WASHC2A: variants seen among roughly 807,000 people sequenced by gnomAD.
WASHC2A encodes WASH complex subunit FAM21A.
A neutral mutation model predicts 140.3 loss-of-function variants in WASHC2A; 82 were observed. The ratio of observed to expected loss-of-function variants is 0.58; its 90% CI spans 0.49 to 0.70. The LOEUF is 0.70. WASHC2A is among the 30% of genes least tolerant of loss of function. The probability of loss-of-function intolerance (pLI) is 0.00; values close to 1 mark genes in which losing one functional copy is unlikely to be tolerated. For missense variants in WASHC2A, 985 were observed against 1,521.8 expected (o/e 0.65, Z 5.87); for synonymous variants, 340 against 560.8 (o/e 0.61, Z 5.56).
At chr10:50,126,913 T>C (rs1843484409) in intron 26 of WASHC2A, among the ~76,000 whole-genome samples, 1 of 152,148 alleles carries the variant, frequency 6.6e-6, no homozygotes, top group African/African-American at 2.4e-5. Flanking sequence ...CTTGGGAATC[T>C]TACTCATCTT....
intron 23 of WASHC2A, among the ~76,000 whole-genome samples, chr10:50,124,700 T>C (rs1843277273): frequency 1.3e-5 from 2 of 151,752 alleles, no homozygotes; most frequent in Admixed American, 6.6e-5. Flanking sequence ...TGCTGTCTCT[T>C]CTTCCCTTTG....
At chr10:50,100,706 C>T (rs1404343664) in intron 17 of WASHC2A, among the ~76,000 whole-genome samples, 2 of 152,192 alleles carry the variant, frequency 1.3e-5, no homozygotes, top group Admixed American at 6.5e-5. Context: ...TATTCACATT[C>T]TCACTAACTA....
At chr10:50,120,391 G>T (rs1262786450) in intron 23 of WASHC2A, among the ~76,000 whole-genome samples, 1 of 146,104 alleles carries the variant, frequency 6.8e-6, no homozygotes, top group Non-Finnish European at 1.5e-5. Context: ...GGAGGCCAAG[G>T]TGGGTGGATC....
intron 8 of WASHC2A, among the ~76,000 whole-genome samples, chr10:50,090,519 T>TAA (rs1407486723): frequency 2.8e-5 from 3 of 105,626 alleles, no homozygotes; most frequent in Non-Finnish European, 6.3e-5. Context: ...AAAAAAAATA[T>TAA]ATATATATAT....
At chr10:50,101,232 C>T (rs1433763302) in intron 17 of WASHC2A, among the ~76,000 whole-genome samples, 84 of 152,394 alleles carry the variant, frequency 5.5e-4, no homozygotes, top group East Asian at 2.5e-3. Flanking sequence ...GGGCCTCCAC[C>T]GTCTTATGCT....
intron 23 of WASHC2A, among the ~76,000 whole-genome samples, chr10:50,121,895 A>G (rs1589274154): frequency 6.8e-6 from 1 of 146,762 alleles, no homozygotes; most frequent in Non-Finnish European, 1.5e-5. Context: ...GTGTTTATGG[A>G]CCAGAAACCT....
At chr10:50,077,819 C>T (rs1838510426) in intron 3 of WASHC2A, among the ~76,000 whole-genome samples, 1 of 144,610 alleles carries the variant, frequency 6.9e-6, no homozygotes, top group African/African-American at 2.6e-5. Flanking sequence ...ATTACAGGTG[C>T]ACACCACCAT....
intron 28 of WASHC2A, among the ~76,000 whole-genome samples, chr10:50,128,722 A>G (rs549954343): frequency 4.9e-4 from 74 of 152,298 alleles, no homozygotes; most frequent in African/African-American, 1.7e-3. Context: ...TTGACAACAC[A>G]ATCATACTTT....
Position 50,126,153 on chromosome 10 carries a change from G to C in WASHC2A, c.2785G>C (p.Gly929Arg), listed in dbSNP as rs782117021. ...ATCCATTCAAGGTAGTAAAGAAAAAGGCATATGGAAGCCGGAAACACCTCA... is the reference window on the plus strand; with the variant it reads ...ATCCATTCAAGGTAGTAAAGAAAAACGCATATGGAAGCCGGAAACACCTCA... ...PESIQGSKEK[G>R]IWKPETPQDS... The change falls in exon 26 of 31, where the codon GGC (glycine) becomes CGC (arginine). Residue 929 changes from glycine (G) to arginine (R), a missense_variant. Physicochemically the swap from Gly to Arg is moderately radical, Grantham distance 125 (BLOSUM62 -2). Transcript: ENST00000282633. 1.2e-5 allele frequency: 20 copies of C among 1,613,416 alleles called. No homozygotes were observed. In the African/African-American group the frequency reaches 2.1e-4, roughly 17 times the overall value.
intron 25 of WASHC2A, among the ~76,000 whole-genome samples, 179 bp from the exon 26 acceptor site, chr10:50,125,878 C>T (rs1202505861): frequency 1.3e-5 from 2 of 152,044 alleles, no homozygotes; most frequent in Non-Finnish European, 2.9e-5. Context: ...AGAGAGGACT[C>T]CTGTGACAGC....
chr10:50,102,210 A>G (rs528540693), intron 17 of WASHC2A, among the ~76,000 whole-genome samples: 18 of 151,792 alleles, frequency 1.2e-4, no homozygotes, highest in African/African-American at 2.2e-4. Context: ...TTCAGATTCT[A>G]AGGCAAGGAG....
chr10:50,092,310 C>G (rs1366338128), intron 11 of WASHC2A, 77 bp downstream of exon 11: 4 of 831,160 alleles, frequency 4.8e-6, no homozygotes, highest in Non-Finnish European at 7.6e-6. Context: ...TCATGAAGTA[C>G]TGCTTTACAT....
chr10:50,129,880 T>C lies in WASHC2A; in HGVS notation c.3549T>C (p.Asp1183=). The C allele has an allele frequency of 6.2e-7, 1 of 1,611,992 alleles. No individual in the cohort carries two copies. Among genetic ancestry groups the C allele is most frequent in the Admixed American group, 1.7e-5 (1 of 60,006 alleles). The change falls in exon 29 of 31, where the codon GAT becomes GAC. Residue 1183 remains aspartate, a synonymous_variant. Coordinates refer to ENST00000282633, the MANE Select transcript of WASHC2A (RefSeq NM_001005751.3). ...TAGGTGAGGCCAGCAGTGATGATGA[T>C]CTCTTTCAGTCTGCTAAACCAAAAC... ...PALGEASSDD[D]LFQSAKPKPA... is the part of the protein sequence containing the mutation.
intron 3 of WASHC2A, among the ~76,000 whole-genome samples, chr10:50,076,501 AC>A (rs1278513699): frequency 6.6e-6 from 1 of 152,218 alleles, no homozygotes; most frequent in Admixed American, 6.5e-5. Flanking sequence ...ATTGGCAGAT[AC>A]TTAAAGATGG....
intron 17 of WASHC2A, among the ~76,000 whole-genome samples, chr10:50,101,031 C>G (rs1841091862): frequency 6.6e-6 from 1 of 152,306 alleles, no homozygotes; most frequent in African/African-American, 2.4e-5. Context: ...ACTGTGGGCT[C>G]TAGATTAGGC....
At chr10:50,106,728 G>A (rs1554888719) in intron 19 of WASHC2A, among the ~76,000 whole-genome samples, 2 of 133,494 alleles carry the variant, frequency 1.5e-5, no homozygotes, top group Admixed American at 1.7e-4. Flanking sequence ...GGCTAGGGGG[G>A]AAATGATTTC....
intron 28 of WASHC2A, 85 bp from the exon 29 acceptor site, chr10:50,129,334 A>G: frequency 6.2e-7 from 1 of 1,610,510 alleles, no homozygotes; most frequent in Non-Finnish European, 8.5e-7. Context: ...ACCTTACAAT[A>G]TTTTGAGTCA....
chr10:50,125,963 A>G (rs1465419821), intron 25 of WASHC2A, 94 bp from the exon 26 acceptor site: 2 of 1,517,144 alleles, frequency 1.3e-6, no homozygotes, highest in South Asian at 2.4e-5. Context: ...AGTATTTTTA[A>G]GACTCAGAAG....
At position 50,125,416 on chromosome 10, in the gene WASHC2A, T is replaced by A. The variant is rs1188759079; in HGVS notation, c.2655T>A (p.Asp885Glu). 6.2e-7 allele frequency: 1 copy of A among 1,609,646 alleles called. No individual in the cohort carries two copies. Among genetic ancestry groups the A allele is most frequent in the South Asian group, 1.1e-5 (1 of 90,904 alleles). Residue 885 changes from aspartate (D) to glutamate (E), a missense_variant, in exon 25 of 31, where the codon GAT becomes GAA. Transcript: ENST00000282633. ...VGSLFGDDED[D>E]DLFSSAKSQP... is the part of the protein sequence containing the mutation. ...GCCTGTTTGGGGATGATGAAGATGA[T>A]GATCTTTTCAGCTCTGCCAAGTCCC...
Sources: gnomAD v4.1 joint callset for allele counts (sites outside exome capture counted in the v4.1 genomes callset) on GRCh38, gnomAD v4.1.1 for gene constraint, MANE v1.5 for transcripts, NCBI Gene and HGNC (gene_info 2026-07-23, HGNC 2026-07-21) for gene names.